Variants in MDGA2 observed in about 807,000 individuals in gnomAD.
MDGA2 encodes MAM domain containing glycosylphosphatidylinositol anchor 2.
In MDGA2, 40 loss-of-function variants were observed where a neutral mutation model predicts 117.8. The observed-to-expected ratio is 0.34, with a 90% CI of 0.26 to 0.44. The LOEUF (loss-of-function observed/expected upper bound fraction) is 0.44, where lower values mean the gene tolerates loss of function less well. MDGA2 is among the 20% of genes least tolerant of loss of function. The pLI, the probability that MDGA2 is intolerant of heterozygous loss-of-function variation, is 1.00. For synonymous variants in MDGA2, 452 were observed against 439.0 expected (o/e 1.03, Z -0.37); for missense variants, 1,123 against 1,250.6 (o/e 0.90, Z 1.54).
rs202050838 is a variant in MDGA2 at position 47,474,471 on chromosome 14, G to GA, written c.281-172922dup. On this transcript the variant is annotated intron_variant, in intron 1 of 16. Coordinates refer to ENST00000399232, the MANE Select transcript of MDGA2 (RefSeq NM_001113498.3). ...ACCACTGACATTCTTCCCAGAATTAGAAAAAAAAAGCTAATTTAAAATATA... is the reference window on the plus strand; with the variant it reads ...ACCACTGACATTCTTCCCAGAATTAGAAAAAAAAAAGCTAATTTAAAATATA... 2.5e-3 allele frequency among the ~76,000 whole-genome samples: 382 copies of GA among 150,032 alleles called. 1 individual carries two copies. Among genetic ancestry groups the GA allele is most frequent in the African/African-American group, 8.5e-3 (349 of 40,892 alleles).
intron 1 of MDGA2, among the ~76,000 whole-genome samples, chr14:47,371,709 C>G (rs1035761171): frequency 6.6e-6 from 1 of 151,586 alleles, no homozygotes. Flanking sequence ...CTCATTATTA[C>G]TGAAAGGGAA....
intron 2 of MDGA2, among the ~76,000 whole-genome samples, chr14:47,220,876 T>A (rs973464883): frequency 6.6e-6 from 1 of 152,068 alleles, no homozygotes; most frequent in Non-Finnish European, 1.5e-5. Context: ...AAGAGCTCAT[T>A]TGTGTGAAAT....
At chr14:47,406,474 T>C (rs1566772062) in intron 1 of MDGA2, among the ~76,000 whole-genome samples, 1 of 151,800 alleles carries the variant, frequency 6.6e-6, no homozygotes, top group African/African-American at 2.4e-5. Context: ...GGAAACGAAA[T>C]AAAAGTCTGA....
intron 8 of MDGA2, among the ~76,000 whole-genome samples, chr14:46,986,881 C>T (rs1463809072): frequency 2.0e-5 from 3 of 152,066 alleles, no homozygotes; most frequent in Non-Finnish European, 1.5e-5. Context: ...GTTAACAATG[C>T]TTATTGATTT....
intron 1 of MDGA2, among the ~76,000 whole-genome samples, chr14:47,318,622 A>G (rs1371392692): frequency 6.6e-6 from 1 of 152,152 alleles, no homozygotes; most frequent in Non-Finnish European, 1.5e-5. Context: ...ACAAGCAAGA[A>G]CGGCACCTGA....
At chr14:46,839,993 G>A (rs1458220492), downstream of MDGA2, 1 of 152,074 alleles carries the variant, frequency 6.6e-6, no homozygotes, top group African/African-American at 2.4e-5. Flanking sequence ...GGTATGTGGA[G>A]CACTGAAGAT....
intron 1 of MDGA2, among the ~76,000 whole-genome samples, chr14:47,556,068 C>T (rs1332804166): frequency 6.6e-6 from 1 of 152,182 alleles, no homozygotes; most frequent in Non-Finnish European, 1.5e-5. Context: ...CCCTTCCAGA[C>T]ACCTGACCCC....
chr14:47,557,802 T>C (rs891511563), intron 1 of MDGA2, among the ~76,000 whole-genome samples: 1 of 152,242 alleles, frequency 6.6e-6, no homozygotes, highest in Non-Finnish European at 1.5e-5. Context: ...TAAATGTATA[T>C]GATTGACTTA....
intron 9 of MDGA2, among the ~76,000 whole-genome samples, chr14:46,923,392 A>T (rs2138520904): frequency 6.6e-6 from 1 of 152,218 alleles, no homozygotes; most frequent in South Asian, 2.1e-4. Context: ...CAGAATGGAG[A>T]TGGGGATAAC....
At chr14:47,046,642 C>T (rs1392875268) in intron 7 of MDGA2, among the ~76,000 whole-genome samples, 4 of 151,134 alleles carry the variant, frequency 2.6e-5, no homozygotes, top group Non-Finnish European at 5.9e-5. Flanking sequence ...TAAAATAATG[C>T]AGAGTAAATC....
rs1387676002 is a variant in MDGA2, at chr14:47,246,310, G to A, written c.421-28115C>T. Among the ~76,000 whole-genome samples the A allele has an allele frequency of 5.3e-5, 8 of 151,708 alleles. 1 individual carries two copies. The highest frequency in any genetic ancestry group is 1.9e-4 in the East Asian group (1 of 5,168). ...CCAAAAATTTATCAGTCCTTCCCCC[G>A]ATCCTGATCTAGTCATTTCACACCC... On this transcript the variant is annotated intron_variant, in intron 2 of 16. Coordinates refer to ENST00000399232, the MANE Select transcript of MDGA2 (RefSeq NM_001113498.3).
chr14:46,876,241 T>C (rs1383871224), intron 12 of MDGA2, among the ~76,000 whole-genome samples: 1 of 151,492 alleles, frequency 6.6e-6, no homozygotes, highest in Non-Finnish European at 1.5e-5. Flanking sequence ...GAAGAAAATT[T>C]ATAAAAAGTT....
At chr14:47,533,928 T>A (rs1419419263) in intron 1 of MDGA2, among the ~76,000 whole-genome samples, 2 of 152,182 alleles carry the variant, frequency 1.3e-5, no homozygotes, top group Non-Finnish European at 2.9e-5. Flanking sequence ...CATTCCCTTA[T>A]CATGATAAAT....
intron 1 of MDGA2, among the ~76,000 whole-genome samples, chr14:47,623,857 T>C (rs1291412475): frequency 6.6e-6 from 1 of 152,220 alleles, no homozygotes; most frequent in East Asian, 1.9e-4. Flanking sequence ...TAGCTGGTTA[T>C]CTATATGGCA....
intron 1 of MDGA2, among the ~76,000 whole-genome samples, chr14:47,378,753 A>G (rs1031968704): frequency 3.9e-5 from 6 of 152,354 alleles, no homozygotes; most frequent in Admixed American, 1.3e-4. Context: ...GGTGTACATT[A>G]AAGTGGCAAA....
intron 10 of MDGA2, among the ~76,000 whole-genome samples, chr14:46,916,445 C>G (rs146899292): frequency 6.6e-6 from 1 of 151,334 alleles, no homozygotes; most frequent in Non-Finnish European, 1.5e-5. Context: ...GCACCTATTT[C>G]CATTAATGCC....
At chr14:47,062,142 T>G (rs1889907225) in intron 6 of MDGA2, among the ~76,000 whole-genome samples, 1 of 152,032 alleles carries the variant, frequency 6.6e-6, no homozygotes, top group African/African-American at 2.4e-5. Flanking sequence ...TAATCTGAAC[T>G]GAAAAAGAAA....
At chr14:47,018,390 G>A (rs1405014911) in intron 8 of MDGA2, among the ~76,000 whole-genome samples, 2 of 152,158 alleles carry the variant, frequency 1.3e-5, no homozygotes, top group African/African-American at 4.8e-5. Flanking sequence ...GCAGAAAAAG[G>A]CTAATGATGG....
chr14:47,474,882 A>G (rs960928489), intron 1 of MDGA2, among the ~76,000 whole-genome samples: 1 of 152,206 alleles, frequency 6.6e-6, no homozygotes, highest in Non-Finnish European at 1.5e-5. Context: ...TAGAAACTCT[A>G]GAAGAAAATC....
Sources: gnomAD v4.1 joint callset for allele counts (sites outside exome capture counted in the v4.1 genomes callset) on GRCh38, gnomAD v4.1.1 for gene constraint, MANE v1.5 for transcripts, NCBI Gene and HGNC (gene_info 2026-07-23, HGNC 2026-07-21) for gene names.